PHKA2: variants seen among roughly 807,000 people sequenced by gnomAD.
PHKA2 encodes phosphorylase b kinase regulatory subunit alpha, liver isoform.
In PHKA2, 31 loss-of-function variants were observed where a neutral mutation model predicts 102.0. That is an observed-to-expected ratio of 0.30 (90% CI 0.23 to 0.41). The LOEUF (loss-of-function observed/expected upper bound fraction) is 0.41. PHKA2 is among the 10% of genes least tolerant of loss of function. PHKA2 has a pLI of 1.00. For missense variants in PHKA2, 858 were observed against 1,023.1 expected, an observed-to-expected ratio of 0.84 and a Z score of 2.20; for synonymous variants, 455 against 416.2, an observed-to-expected ratio of 1.09 and a Z score of -1.13.
chrX:18,952,117 G>A (rs765022877), intron 3 of PHKA2, among the ~76,000 whole-genome samples: 24 of 103,490 alleles, frequency 2.3e-4, no homozygotes, highest in African/African-American at 7.8e-4. Flanking sequence ...GGGAGGCCAA[G>A]GTGGGAGGAT....
In PHKA2 at chrX:18,906,707, G is replaced by A. The variant is rs759060596; in HGVS notation, c.2676+29C>T. 66 of 1,195,062 alleles carry A rather than the reference G, an allele frequency of 5.5e-5. 1 individual carries two copies. The South Asian group carries it at 1.1e-3, about 21-fold the overall frequency. Reference sequence around the variant, plus strand: ...CCCCTCCACTCTGAGGAAGGCTGTGGCCCGACCCCTCCCACACCAGCCCCA... The same window carrying A: ...CCCCTCCACTCTGAGGAAGGCTGTGACCCGACCCCTCCCACACCAGCCCCA... On this transcript the variant is annotated intron_variant, in intron 24 of 32. Coordinates refer to ENST00000379942, the MANE Select transcript of PHKA2 (RefSeq NM_000292.3).
At chrX:18,922,732 G>A (rs1428028968) in intron 17 of PHKA2, among the ~76,000 whole-genome samples, 1 of 111,679 alleles carries the variant, frequency 9.0e-6, no homozygotes, top group Non-Finnish European at 1.9e-5. Context: ...CTATTAATGG[G>A]TGTACAGTTT....
At chrX:18,919,391 A>G (rs1470833934) in intron 18 of PHKA2, among the ~76,000 whole-genome samples, 2 of 111,850 alleles carry the variant, frequency 1.8e-5, no homozygotes, top group Non-Finnish European at 1.9e-5. Flanking sequence ...TGTCTTCAGA[A>G]TGTATGTATT....
chrX:18,902,139 C>T (rs1488493445), intron 26 of PHKA2, among the ~76,000 whole-genome samples: 1 of 110,174 alleles, frequency 9.1e-6, no homozygotes, highest in Non-Finnish European at 1.9e-5. Flanking sequence ...CTGCAACCAG[C>T]CATGTTTTTT....
rs1450333276 is a variant in PHKA2 at position 18,893,081 on chromosome X, G to A, written c.*404C>T. The A allele has an allele frequency of 2.9e-5, 6 of 209,964 alleles. No homozygotes were observed. The highest frequency in any genetic ancestry group is 5.3e-5 in the Non-Finnish European group (6 of 112,857). 17.3% of individuals were successfully genotyped at this position (209,964 alleles called of 1,213,427 possible). On this transcript the variant is annotated 3_prime_UTR_variant, in exon 33 of 33. Transcript: ENST00000379942. ...GGCTACTGCCGCCAGGAGGATCTTTGCATCTTTAGGATGTGTCACTAGCTC... is the reference window on the plus strand; with the variant it reads ...GGCTACTGCCGCCAGGAGGATCTTTACATCTTTAGGATGTGTCACTAGCTC...
At chrX:18,972,349 C>T (rs981155352) in intron 1 of PHKA2, among the ~76,000 whole-genome samples, 1 of 112,315 alleles carries the variant, frequency 8.9e-6, no homozygotes, top group Admixed American at 9.4e-5. Context: ...TCCTTCCCCT[C>T]TTCTATTTAA....
intron 19 of PHKA2, among the ~76,000 whole-genome samples, chrX:18,913,817 G>A (rs2047971768): frequency 9.0e-6 from 1 of 111,401 alleles, no homozygotes; most frequent in East Asian, 2.8e-4. Context: ...TTAGGCCTAT[G>A]CAGGGCCAGG....
At position 18,939,898 on chromosome X, in the gene PHKA2, C is replaced by T. The variant is rs148519311; in HGVS notation, c.918+97G>A. 8.9e-3 allele frequency: 5,888 copies of T among 665,178 alleles called. 25 individuals are homozygous for T. Among genetic ancestry groups the T allele is most frequent in the Non-Finnish European group, 0.012 (4,970 of 402,752 alleles). 54.8% of individuals were successfully genotyped at this position (665,178 alleles called of 1,213,427 possible). ...AATTAATACTTCCCTTTCCAATATT[C>T]CAACATAAAATTATAATCAGCAGAG... On this transcript the variant is annotated intron_variant, in intron 9 of 32. Transcript: ENST00000379942.
chrX:18,924,243 G>T, intron 16 of PHKA2, 109 bp from the exon 17 acceptor site: 1 of 918,741 alleles, frequency 1.1e-6, no homozygotes, highest in Non-Finnish European at 1.6e-6. Flanking sequence ...TGGCATAGAA[G>T]ATTCCCGAGA....
At chrX:18,947,982 G>A (rs951845417) in intron 5 of PHKA2, among the ~76,000 whole-genome samples, 1 of 111,181 alleles carries the variant, frequency 9.0e-6, no homozygotes, top group African/African-American at 3.3e-5. Context: ...TGACACAGCG[G>A]ACTGTGGGGA....
At chrX:18,896,566 T>G (rs899194164) in intron 30 of PHKA2, 1 of 133,320 alleles carries the variant, frequency 7.5e-6, no homozygotes, top group African/African-American at 3.2e-5. Context: ...ACCTTGGGAC[T>G]GAACACGGCA....
At chrX:18,932,130 G>A (rs187376802) in intron 11 of PHKA2, among the ~76,000 whole-genome samples, 559 of 112,265 alleles carry the variant, frequency 5.0e-3, no homozygotes, top group Non-Finnish European at 8.3e-3. Flanking sequence ...GCGGTGCATC[G>A]CTGGAGCCAT....
intron 5 of PHKA2, among the ~76,000 whole-genome samples, 168 bp downstream of exon 5, chrX:18,948,576 T>C (rs1314010980): frequency 8.9e-6 from 1 of 112,366 alleles, no homozygotes; most frequent in Non-Finnish European, 1.9e-5. Flanking sequence ...CCAACTCTAT[T>C]CCAGGACAAA....
In PHKA2 at chrX:18,953,389, G is replaced by C. The variant is rs754488778; in HGVS notation, c.238-848C>G. Among the ~76,000 whole-genome samples the C allele has an allele frequency of 2.8e-4, 31 of 111,877 alleles. No individual in the cohort carries two copies. The South Asian group carries it at 0.011, about 40-fold the overall frequency. ...CCCCCAAATTGGATAACACCAATTTGGTTCAAAATTAAAGGGTGACCATAA... is the reference window on the plus strand; with the variant it reads ...CCCCCAAATTGGATAACACCAATTTCGTTCAAAATTAAAGGGTGACCATAA... On this transcript the variant is annotated intron_variant, in intron 2 of 32. Transcript: ENST00000379942.
chrX:18,961,356 A>G (rs1002643981), intron 1 of PHKA2, among the ~76,000 whole-genome samples: 4 of 112,281 alleles, frequency 3.6e-5, no homozygotes, highest in African/African-American at 1.3e-4. Context: ...AAGTAAATTT[A>G]CCACTTAAGA....
At position 18,925,654 on chromosome X, in the gene PHKA2, C is replaced by T. The variant is rs2048197814; in HGVS notation, c.1569+14G>A. On this transcript the variant is annotated intron_variant, in intron 15 of 32. Transcript: ENST00000379942. Reference sequence around the variant, plus strand: ...AACTTAAAAAAAAGATGCTCGTTGGCCTGCTCTCCTCACCTGGGGTGTAAA... The same window carrying T: ...AACTTAAAAAAAAGATGCTCGTTGGTCTGCTCTCCTCACCTGGGGTGTAAA... 1.0e-6 allele frequency: 1 copy of T among 979,055 alleles called. No homozygotes were observed. The highest frequency in any genetic ancestry group is 1.5e-6 in the Non-Finnish European group (1 of 683,111). The allele number at this position is 979,055 out of a possible 1,213,427, so 80.7% of individuals were successfully genotyped here.
At chrX:18,896,532 A>T (rs1160153723) in intron 30 of PHKA2, 1 of 115,569 alleles carries the variant, frequency 8.7e-6, no homozygotes, top group Non-Finnish European at 1.8e-5. Context: ...CTGGGGCTAA[A>T]CTGGAAGCTC....
At chrX:18,975,508 C>T (rs1017778889) in intron 1 of PHKA2, among the ~76,000 whole-genome samples, 2 of 111,857 alleles carry the variant, frequency 1.8e-5, no homozygotes, top group African/African-American at 3.2e-5. Flanking sequence ...TGAAAACGGA[C>T]TAATACAGAT....
Position 18,951,288 on chromosome X carries a change from AG to A in PHKA2, c.286-17del. 8.3e-7 allele frequency: 1 copy of A among 1,206,958 alleles called. No homozygotes were observed. The highest frequency in any genetic ancestry group is 1.1e-6 in the Non-Finnish European group (1 of 891,050). Reference sequence around the variant, plus strand: ...CTTTGGCCACCTGAGGGAGAAGGCAAGCCCGCTCTGCATAGTTATGGGGGTT... The same window carrying A: ...CTTTGGCCACCTGAGGGAGAAGGCAACCCGCTCTGCATAGTTATGGGGGTT... On this transcript the variant is annotated splice_polypyrimidine_tract_variant and intron_variant, in intron 3 of 32. Transcript: ENST00000379942.
Sources: allele counts gnomAD v4.1 joint callset (sites outside exome capture counted in the v4.1 genomes callset), GRCh38; gene constraint gnomAD v4.1.1; transcripts MANE v1.5; gene names NCBI Gene and HGNC (gene_info 2026-07-23, HGNC 2026-07-21).